The following ZNF804A variants were observed in gnomAD, a reference collection of about 807,000 sequenced individuals.
ZNF804A encodes zinc finger protein 804A.
A neutral mutation model predicts 16.5 loss-of-function variants in ZNF804A; 2 were observed. That is an observed-to-expected ratio of 0.12 (90% CI 0.05 to 0.38). ZNF804A has a LOEUF of 0.38. ZNF804A is among the 10% of genes least tolerant of loss of function. The pLI, the probability that ZNF804A is intolerant of heterozygous loss-of-function variation, is 0.99. For missense variants in ZNF804A, 1,473 were observed against 1,390.7 expected (o/e 1.06, Z -0.94); for synonymous variants, 534 against 489.6 (o/e 1.09, Z -1.20).
chr2:184,899,630 T>C (rs1685144390), intron 2 of ZNF804A, among the ~76,000 whole-genome samples: 1 of 152,040 alleles, frequency 6.6e-6, no homozygotes, highest in South Asian at 2.1e-4. Context: ...AATCCTCTTA[T>C]AATAGTCTAG....
chr2:184,674,658 C>T (rs565384529), intron 1 of ZNF804A, among the ~76,000 whole-genome samples: 1 of 151,626 alleles, frequency 6.6e-6, no homozygotes, highest in East Asian at 1.9e-4. Flanking sequence ...ATGGGATGGG[C>T]ATCACTGGAG....
intron 1 of ZNF804A, among the ~76,000 whole-genome samples, chr2:184,705,208 A>G (rs1027626562): frequency 7.8e-4 from 119 of 152,286 alleles, no homozygotes; most frequent in African/African-American, 2.7e-3. Flanking sequence ...TGAGAAAAGG[A>G]TATTGAAGAC....
chr2:184,921,448 A>T (rs558450018), intron 2 of ZNF804A, among the ~76,000 whole-genome samples: 61 of 152,290 alleles, frequency 4.0e-4, no homozygotes, highest in African/African-American at 1.5e-3. Flanking sequence ...GACAGCCTCT[A>T]CAATATTGAC....
intron 2 of ZNF804A, among the ~76,000 whole-genome samples, chr2:184,883,065 T>C (rs1342457234): frequency 6.6e-6 from 1 of 151,242 alleles, no homozygotes; most frequent in Non-Finnish European, 1.5e-5. Flanking sequence ...AGAGAGAAGA[T>C]CTCAAATAAC....
At chr2:184,831,882 G>C (rs1695266632) in intron 1 of ZNF804A, among the ~76,000 whole-genome samples, 1 of 151,898 alleles carries the variant, frequency 6.6e-6, no homozygotes, top group Non-Finnish European at 1.5e-5. Context: ...GAATATAAAT[G>C]GAACCTTGCA....
intron 1 of ZNF804A, among the ~76,000 whole-genome samples, chr2:184,863,964 T>C (rs1695836717): frequency 6.6e-6 from 1 of 152,192 alleles, no homozygotes; most frequent in Non-Finnish European, 1.5e-5. Flanking sequence ...ACAAATTTGC[T>C]GAGAAATGGT....
intron 2 of ZNF804A, among the ~76,000 whole-genome samples, chr2:184,891,243 A>G (rs1684979863): frequency 6.6e-6 from 1 of 152,150 alleles, no homozygotes; most frequent in African/African-American, 2.4e-5. Flanking sequence ...AAGTATTGCA[A>G]TGATTTCTAA....
At chr2:184,631,636 C>T (rs1157052210) in intron 1 of ZNF804A, among the ~76,000 whole-genome samples, 1 of 152,086 alleles carries the variant, frequency 6.6e-6, no homozygotes, top group Non-Finnish European at 1.5e-5. Flanking sequence ...CAGTTAATAT[C>T]AGGGTTCATA....
intron 1 of ZNF804A, among the ~76,000 whole-genome samples, chr2:184,702,660 T>G (rs1692939209): frequency 1.3e-5 from 2 of 152,098 alleles, no homozygotes; most frequent in Non-Finnish European, 2.9e-5. Flanking sequence ...TAACAATAAA[T>G]GTAATGTCAC....
Position 184,933,752 on chromosome 2 carries a change from T to G in ZNF804A, c.386+19T>G. On this transcript the variant is annotated intron_variant, in intron 3 of 3. Coordinates refer to ENST00000302277, the MANE Select transcript of ZNF804A (RefSeq NM_194250.2). ...CTGTATGGTGAGTATCCAATGAAATTGTAAGTTTTCTTAAAACATGACCAA... is the reference window on the plus strand; with the variant it reads ...CTGTATGGTGAGTATCCAATGAAATGGTAAGTTTTCTTAAAACATGACCAA... The G allele has an allele frequency of 6.3e-7, 1 of 1,587,392 alleles. No individual in the cohort carries two copies. The highest frequency in any genetic ancestry group is 1.2e-5 in the South Asian group (1 of 85,430).
chr2:184,801,158 T>C (rs1241383790), intron 1 of ZNF804A, among the ~76,000 whole-genome samples: 1 of 152,168 alleles, frequency 6.6e-6, no homozygotes, highest in Non-Finnish European at 1.5e-5. Context: ...TAATGCCTAA[T>C]TTCTGTTGAC....
At chr2:184,740,321 A>C (rs989729706) in intron 1 of ZNF804A, among the ~76,000 whole-genome samples, 1 of 152,224 alleles carries the variant, frequency 6.6e-6, no homozygotes, top group African/African-American at 2.4e-5. Context: ...GGTCACAATA[A>C]TAAGCAAGGG....
At chr2:184,790,920 T>A (rs1200705439) in intron 1 of ZNF804A, among the ~76,000 whole-genome samples, 2 of 152,204 alleles carry the variant, frequency 1.3e-5, no homozygotes, top group African/African-American at 4.8e-5. Context: ...TTCATTATTA[T>A]ATAATGCCCT....
intron 1 of ZNF804A, among the ~76,000 whole-genome samples, chr2:184,754,104 A>G (rs1310029856): frequency 6.6e-6 from 1 of 151,748 alleles, no homozygotes; most frequent in Non-Finnish European, 1.5e-5. Context: ...CTTACTTGCG[A>G]CATAAGTTTG....
intron 2 of ZNF804A, among the ~76,000 whole-genome samples, chr2:184,894,765 A>G (rs1186453917): frequency 3.3e-5 from 5 of 152,052 alleles, no homozygotes; most frequent in Non-Finnish European, 7.4e-5. Context: ...GGCTCACTGC[A>G]AGCTTCGCCT....
intron 2 of ZNF804A, among the ~76,000 whole-genome samples, chr2:184,875,062 T>C (rs1429191221): frequency 6.6e-6 from 1 of 152,214 alleles, no homozygotes; most frequent in African/African-American, 2.4e-5. Context: ...AGTCCCTATT[T>C]GGATAATAAA....
At chr2:184,663,097 A>G (rs1399033773) in intron 1 of ZNF804A, among the ~76,000 whole-genome samples, 2 of 152,212 alleles carry the variant, frequency 1.3e-5, no homozygotes, top group African/African-American at 4.8e-5. Context: ...TGCATGCTCA[A>G]TGGACCTGGC....
intron 1 of ZNF804A, among the ~76,000 whole-genome samples, chr2:184,659,057 A>G (rs1375241232): frequency 6.6e-6 from 1 of 152,184 alleles, no homozygotes; most frequent in East Asian, 1.9e-4. Context: ...TGCCAAACAA[A>G]TAAGAACCAA....
At chr2:184,906,569 G>T (rs1685278572) in intron 2 of ZNF804A, among the ~76,000 whole-genome samples, 2 of 152,008 alleles carry the variant, frequency 1.3e-5, no homozygotes, top group African/African-American at 4.8e-5. Context: ...TCAGAGTGCT[G>T]GGATTATGGG....
Sources: gnomAD v4.1 joint callset for allele counts (sites outside exome capture counted in the v4.1 genomes callset) on GRCh38, gnomAD v4.1.1 for gene constraint, MANE v1.5 for transcripts, NCBI Gene and HGNC (gene_info 2026-07-23, HGNC 2026-07-21) for gene names.